PCDH9: variants seen among roughly 807,000 people sequenced by gnomAD.
The protein encoded by PCDH9 is protocadherin-9.
PCDH9 carries 24 observed loss-of-function variants against 70.6 expected under a neutral mutation model. The ratio of observed to expected loss-of-function variants is 0.34; its 90% CI spans 0.25 to 0.48. The LOEUF is 0.48. PCDH9 is among the 20% of genes least tolerant of loss of function. The pLI, the probability that PCDH9 is intolerant of heterozygous loss-of-function variation, is 0.99. For synonymous variants in PCDH9, 562 were observed against 558.5 expected (o/e 1.01, Z -0.09); for missense variants, 1,281 against 1,503.6 (o/e 0.85, Z 2.45).
intron 4 of PCDH9, among the ~76,000 whole-genome samples, chr13:66,623,813 A>G (rs1359407608): frequency 6.6e-6 from 1 of 152,194 alleles, no homozygotes; most frequent in Middle Eastern, 3.2e-3. Context: ...AATTTACAGT[A>G]TTAGTGGGGG....
chr13:66,757,649 G>A (rs1442015), intron 3 of PCDH9, among the ~76,000 whole-genome samples: 2,706 of 152,030 alleles, frequency 0.018, 78 homozygotes, highest in African/African-American at 0.062. Context: ...TATATAAAAC[G>A]TATGAGGAAA....
chr13:66,397,222 C>G (rs1957115010), intron 4 of PCDH9, among the ~76,000 whole-genome samples: 1 of 151,986 alleles, frequency 6.6e-6, no homozygotes. Flanking sequence ...AGCTCAAGAC[C>G]AGCCTAAGCA....
At chr13:66,407,804 T>G (rs184235133) in intron 4 of PCDH9, among the ~76,000 whole-genome samples, 15 of 152,268 alleles carry the variant, frequency 9.9e-5, no homozygotes, top group Admixed American at 9.2e-4. Context: ...TTTTATTTTT[T>G]TAGACACTGG....
chr13:66,346,913 C>G (rs1956220426), intron 4 of PCDH9, among the ~76,000 whole-genome samples: 1 of 152,186 alleles, frequency 6.6e-6, no homozygotes, highest in Admixed American at 6.6e-5. Flanking sequence ...GTCAGCAACA[C>G]TCCTTTAAAA....
At chr13:67,017,130 A>G (rs956396898) in intron 2 of PCDH9, among the ~76,000 whole-genome samples, 1 of 152,194 alleles carries the variant, frequency 6.6e-6, no homozygotes, top group African/African-American at 2.4e-5. Context: ...TAGGCCAGAC[A>G]AAGCTGGCCA....
chr13:66,927,252 T>C (rs1317435212), intron 2 of PCDH9, among the ~76,000 whole-genome samples: 2 of 151,970 alleles, frequency 1.3e-5, no homozygotes, highest in Non-Finnish European at 2.9e-5. Context: ...TGCAGGGACA[T>C]AGGTGGAGCT....
chr13:67,025,953 A>G (rs2084772383), intron 2 of PCDH9, among the ~76,000 whole-genome samples: 1 of 152,144 alleles, frequency 6.6e-6, no homozygotes, highest in African/African-American at 2.4e-5. Context: ...GCCTACTCTT[A>G]AGCTCTTTGG....
At chr13:67,101,066 T>C (rs2086423100) in intron 2 of PCDH9, among the ~76,000 whole-genome samples, 1 of 152,184 alleles carries the variant, frequency 6.6e-6, no homozygotes, top group Non-Finnish European at 1.5e-5. Flanking sequence ...GAATCATTGA[T>C]AGCAAGAATC....
At chr13:66,356,237 C>A (rs986509561) in intron 4 of PCDH9, among the ~76,000 whole-genome samples, 6 of 152,084 alleles carry the variant, frequency 3.9e-5, no homozygotes, top group Non-Finnish European at 5.9e-5. Flanking sequence ...GCTTTAAAAT[C>A]ATATAAAATG....
At chr13:66,491,477 A>G (rs1959033412) in intron 4 of PCDH9, among the ~76,000 whole-genome samples, 1 of 151,632 alleles carries the variant, frequency 6.6e-6, no homozygotes, top group Non-Finnish European at 1.5e-5. Flanking sequence ...TACTGTGATC[A>G]GCGAGGAATG....
At chr13:67,048,952 G>T (rs1412889945) in intron 2 of PCDH9, among the ~76,000 whole-genome samples, 2 of 152,216 alleles carry the variant, frequency 1.3e-5, no homozygotes, top group Non-Finnish European at 2.9e-5. Context: ...ATACTACAGG[G>T]TTTATGGTGT....
chr13:66,533,665 A>C (rs780080738), intron 4 of PCDH9, among the ~76,000 whole-genome samples: 4 of 152,154 alleles, frequency 2.6e-5, no homozygotes, highest in Non-Finnish European at 4.4e-5. Context: ...ACCATTGTTA[A>C]ATAAGAAAAC....
intron 4 of PCDH9, among the ~76,000 whole-genome samples, chr13:66,630,457 A>G (rs374536007): frequency 3.3e-5 from 5 of 152,178 alleles, no homozygotes; most frequent in African/African-American, 4.8e-5. Flanking sequence ...TAGCAAAAGC[A>G]TTAGCACTTG....
intron 2 of PCDH9, chr13:67,211,896 A>AT (rs1425485977): frequency 6.6e-6 from 1 of 152,052 alleles, no homozygotes; most frequent in Non-Finnish European, 1.5e-5. Context: ...AGGCTAAAAC[A>AT]TTTTTTCAAA....
At chr13:67,106,807 C>T (rs912539409) in intron 2 of PCDH9, among the ~76,000 whole-genome samples, 20 of 152,216 alleles carry the variant, frequency 1.3e-4, no homozygotes, top group African/African-American at 3.9e-4. Flanking sequence ...TCTCCCTGCC[C>T]CTGGCCACCT....
intron 2 of PCDH9, chr13:66,914,267 A>C (rs369814993): frequency 7.2e-4 from 110 of 152,106 alleles, no homozygotes; most frequent in African/African-American, 2.5e-3. Context: ...ATACTTTAAC[A>C]AACAAGGAAA....
At position 66,425,517 on chromosome 13, in the gene PCDH9, T is replaced by G. The variant is rs184224190; in HGVS notation, c.3341-120489A>C. ...TGTTTACCTTTTTTGGAAAAGAAAC[T>G]TCACTCCAGTAGTTGCAGAAGTTAT... On this transcript the variant is annotated intron_variant, in intron 4 of 4. Coordinates refer to ENST00000377865, the MANE Select transcript of PCDH9 (RefSeq NM_203487.3). Among the ~76,000 whole-genome samples the G allele has an allele frequency of 2.6e-5, 4 of 151,566 alleles. No homozygotes were observed. In the East Asian group the frequency reaches 7.8e-4, roughly 29 times the overall value.
chr13:66,985,936 G>T (rs540290053), intron 2 of PCDH9, among the ~76,000 whole-genome samples: 1 of 152,088 alleles, frequency 6.6e-6, no homozygotes, highest in Non-Finnish European at 1.5e-5. Flanking sequence ...TCTTAGCCAT[G>T]AATATGACAT....
intron 3 of PCDH9, among the ~76,000 whole-genome samples, chr13:66,854,873 G>T (rs1444112487): frequency 1.6e-4 from 25 of 152,040 alleles, no homozygotes; most frequent in Admixed American, 1.4e-3. Context: ...TAAAACAAGG[G>T]TCTGTATTGA....
Sources: allele counts gnomAD v4.1 joint callset (sites outside exome capture counted in the v4.1 genomes callset), GRCh38; gene constraint gnomAD v4.1.1; transcripts MANE v1.5; gene names NCBI Gene and HGNC (gene_info 2026-07-23, HGNC 2026-07-21).